The following PEMT variants were observed in gnomAD, a reference collection of about 807,000 sequenced individuals.
PEMT encodes the protein phosphatidylethanolamine N-methyltransferase.
PEMT carries 23 observed loss-of-function variants against 27.4 expected under a neutral mutation model. The observed-to-expected ratio is 0.84, with a 90% confidence interval of 0.60 to 1.19. The LOEUF is 1.19. Among genes scored for constraint, PEMT ranks in the 50% most tolerant of loss-of-function variants. PEMT has a pLI of 0.00. For missense variants in PEMT, 307 were observed against 310.1 expected, an observed-to-expected ratio of 0.99 and a Z score of 0.07; for synonymous variants, 137 against 139.1, an observed-to-expected ratio of 0.98 and a Z score of 0.11.
In PEMT at chr17:17,577,523, A is replaced by G. The variant is rs116279821; in HGVS notation, c.97-496T>C. 2.3e-3 allele frequency: 2,321 copies of G among 996,310 alleles called. 45 individuals carry two copies. In the African/African-American group the frequency reaches 0.036, roughly 15 times the overall value. The allele number at this position is 996,310 out of a possible 1,614,324, so 61.7% of individuals were successfully genotyped here. A position where few individuals can be genotyped will look rare whatever the true frequency, so the allele number is the denominator to read the frequency against. On this transcript the variant is annotated intron_variant, in intron 1 of 6. Coordinates refer to ENST00000255389, the MANE Select transcript of PEMT (RefSeq NM_148172.3). ...CGAGGGTGTGAGTGGGGCGGGGTAA[A>G]CTGAAAAAGTGTGTGCCCACATCCC...
chr17:17,555,331 C>T (rs896336176), intron 2 of PEMT, among the ~76,000 whole-genome samples: 5 of 152,160 alleles, frequency 3.3e-5, no homozygotes, highest in Admixed American at 2.6e-4. Flanking sequence ...GGCCAGAGCA[C>T]GGGGAAGCGG....
upstream of PEMT, chr17:17,591,821 T>TAG (rs1201882459): frequency 6.4e-6 from 9 of 1,402,728 alleles, no homozygotes; most frequent in Non-Finnish European, 8.3e-6. Context: ...CGACAGCGTC[T>TAG]AGAGGAGCCG....
chr17:17,582,202 C>T lies in PEMT; in HGVS notation c.97-5175G>A. 3.3e-6 allele frequency: 3 copies of T among 898,858 alleles called. No homozygotes were observed. Among genetic ancestry groups the T allele is most frequent in the South Asian group, 1.0e-4 (2 of 19,616 alleles). 55.7% of individuals were successfully genotyped at this position (898,858 alleles called of 1,614,324 possible). On this transcript the variant is annotated intron_variant, in intron 1 of 6. Coordinates refer to ENST00000255389, the MANE Select transcript of PEMT (RefSeq NM_148172.3). The surrounding 1 kb of genome is among the most constrained non-coding windows in gnomAD (Gnocchi z 4.9). ...CTGCTACCCAGTAATTCTAATGGAA[C>T]CCCCACTCCAAGGCTCCAGGTTGCA...
chr17:17,526,411 A>C (rs1907667073), intron 2 of PEMT, among the ~76,000 whole-genome samples: 1 of 152,172 alleles, frequency 6.6e-6, no homozygotes, highest in South Asian at 2.1e-4. Context: ...GTCAGCTGCA[A>C]AGTACGAAAA....
rs556784260 is a variant in PEMT at position 17,512,097 on chromosome 17, G to T, written c.466+412C>A. Among the ~76,000 whole-genome samples, 3 of 152,298 alleles carry T rather than the reference G, an allele frequency of 2.0e-5. No individual in the cohort carries two copies. In the East Asian group the frequency reaches 5.8e-4, roughly 29 times the overall value. On this transcript the variant is annotated intron_variant, in intron 4 of 6. Transcript: ENST00000255389. This position sits in a 1 kb window ranked among gnomAD's most constrained non-coding sequence, Gnocchi z 6.3. ...CTGAGAGCCACGCGTGCCGGGAGCT[G>T]CCAGAGAGGTGGCTGACTCACCACC...
At chr17:17,567,708 G>T (rs1910926190) in intron 2 of PEMT, among the ~76,000 whole-genome samples, 1 of 152,268 alleles carries the variant, frequency 6.6e-6, no homozygotes, top group Admixed American at 6.5e-5. Context: ...GAGGGCCACA[G>T]TATCTTAGGT....
At chr17:17,507,024 T>A in intron 5 of PEMT, 1 of 761,084 alleles carries the variant, frequency 1.3e-6, no homozygotes, top group Non-Finnish European at 2.2e-6. Context: ...CAGGGGCTCT[T>A]TGCTGGTGAC....
intron 2 of PEMT, among the ~76,000 whole-genome samples, chr17:17,575,944 G>T (rs1219436186): frequency 1.3e-5 from 2 of 152,192 alleles, no homozygotes; most frequent in African/African-American, 4.8e-5. Context: ...TTCTGCCCTG[G>T]GATCAAGGGT....
chr17:17,529,247 T>C (rs1409508522), intron 2 of PEMT, among the ~76,000 whole-genome samples: 1 of 152,176 alleles, frequency 6.6e-6, no homozygotes, highest in East Asian at 1.9e-4. Context: ...CAACACCCAG[T>C]TCCACCTGTC....
In PEMT at chr17:17,513,782, TG is replaced by T. The variant is rs1235316996; in HGVS notation, c.321-1129del. ...GCGGGCGCTGGTGGGAAGGGGGCCC[TG>T]GGTGCTAGATGAGAGGCACACTCAC... On this transcript the variant is annotated intron_variant, in intron 3 of 6. Coordinates refer to ENST00000255389, the MANE Select transcript of PEMT (RefSeq NM_148172.3). This position sits in a 1 kb window ranked among gnomAD's most constrained non-coding sequence, Gnocchi z 4.1. 1.3e-5 allele frequency among the ~76,000 whole-genome samples: 2 copies of T among 151,702 alleles called. No homozygotes were observed. Among genetic ancestry groups the T allele is most frequent in the African/African-American group, 4.8e-5 (2 of 41,256 alleles).
rs1906445091 is a variant in PEMT, at chr17:17,512,005, C to G, written c.466+504G>C. 6.6e-6 allele frequency among the ~76,000 whole-genome samples: 1 copy of G among 152,104 alleles called. No individual in the cohort carries two copies. Among genetic ancestry groups the G allele is most frequent in the Non-Finnish European group, 1.5e-5 (1 of 68,030 alleles). ...AGGGATAAGGTGCCTCCACCCCTCA[C>G]CCCTCCCCAGACCTACACCAGCCCT... is the stretch of plus-strand genomic sequence containing the variant. On this transcript the variant is annotated intron_variant, in intron 4 of 6. Transcript: ENST00000255389. The surrounding 1 kb of genome is among the most constrained non-coding windows in gnomAD (Gnocchi z 6.3).
chr17:17,515,531 CAG>C (rs1292793089), intron 3 of PEMT, among the ~76,000 whole-genome samples: 2 of 152,162 alleles, frequency 1.3e-5, no homozygotes, highest in Non-Finnish European at 2.9e-5. Context: ...GTCATTTGCT[CAG>C]AGTCGGCAGA....
At position 17,582,402 on chromosome 17, in the gene PEMT, GGGTTC is replaced by G. The variant is rs1479198895; in HGVS notation, c.97-5380_97-5376del. 1.0e-6 allele frequency: 1 copy of G among 985,366 alleles called. No homozygotes were observed. Among genetic ancestry groups the G allele is most frequent in the Non-Finnish European group, 1.2e-6 (1 of 829,954 alleles). 61.0% of individuals were successfully genotyped at this position (985,366 alleles called of 1,614,324 possible). A position where few individuals can be genotyped will look rare whatever the true frequency, so the allele number is the denominator to read the frequency against. On this transcript the variant is annotated intron_variant, in intron 1 of 6. Transcript: ENST00000255389. This position sits in a 1 kb window ranked among gnomAD's most constrained non-coding sequence, Gnocchi z 4.9. ...GTAATTTACTCCATTGAGGGGTGCA[GGGTTC>G]TCGGGAGCAGCGCTCTGTGGTCAGG...
chr17:17,546,680 T>C (rs1396195349), intron 2 of PEMT, among the ~76,000 whole-genome samples: 1 of 152,160 alleles, frequency 6.6e-6, no homozygotes, highest in African/African-American at 2.4e-5. Context: ...AGCCTCCCTG[T>C]CCACCCTGGG....
At chr17:17,590,294 G>C (rs555183158) in intron 1 of PEMT, among the ~76,000 whole-genome samples, 1 of 152,306 alleles carries the variant, frequency 6.6e-6, no homozygotes, top group Admixed American at 6.5e-5. Context: ...ACGGTCCTGC[G>C]CTCCCTCAGG....
chr17:17,535,548 G>T (rs988780879), intron 2 of PEMT, among the ~76,000 whole-genome samples: 1 of 145,130 alleles, frequency 6.9e-6, no homozygotes, highest in Non-Finnish European at 1.5e-5. Flanking sequence ...CTGGGCGACA[G>T]ACTGAGACTC....
chr17:17,581,162 G>T (rs921344271), intron 1 of PEMT, among the ~76,000 whole-genome samples: 3 of 152,128 alleles, frequency 2.0e-5, no homozygotes, highest in African/African-American at 7.2e-5. Flanking sequence ...GAGTGTAAAT[G>T]ATCTCTCTAC....
chr17:17,512,992 C>T lies in PEMT; in HGVS notation c.321-338G>A. On this transcript the variant is annotated intron_variant, in intron 3 of 6. Transcript: ENST00000255389. This position sits in a 1 kb window ranked among gnomAD's most constrained non-coding sequence, Gnocchi z 6.3. ...AGCAGGCTGGATTCAGCCCGAAGGCCACCAGCTTGCAAACTCTCATCCTGT... is the reference window on the plus strand; with the variant it reads ...AGCAGGCTGGATTCAGCCCGAAGGCTACCAGCTTGCAAACTCTCATCCTGT... 6.6e-6 allele frequency among the ~76,000 whole-genome samples: 1 copy of T among 152,232 alleles called. No homozygotes were observed. Among genetic ancestry groups the T allele is most frequent in the East Asian group, 1.9e-4 (1 of 5,194 alleles).
At chr17:17,575,986 T>C (rs768551277) in intron 2 of PEMT, among the ~76,000 whole-genome samples, 2 of 152,206 alleles carry the variant, frequency 1.3e-5, no homozygotes, top group Non-Finnish European at 2.9e-5. Flanking sequence ...TGGAACAATG[T>C]GCTGCTGACG....
Sources: allele counts gnomAD v4.1 joint callset (sites outside exome capture counted in the v4.1 genomes callset), GRCh38; gene constraint gnomAD v4.1.1; non-coding constraint Gnocchi (gnomAD v3.1); transcripts MANE v1.5; gene names NCBI Gene and HGNC (gene_info 2026-07-23, HGNC 2026-07-21).